Variants in ADGRD1 observed in about 807,000 individuals in gnomAD.
The protein encoded by ADGRD1 is G-protein coupled receptor 133.
ADGRD1 carries 77 observed loss-of-function variants against 113.4 expected under a neutral mutation model. The observed-to-expected ratio is 0.68, with a 90% CI of 0.57 to 0.82. ADGRD1 has a LOEUF of 0.82. Among genes scored for constraint, ADGRD1 ranks in the 40% least tolerant of loss-of-function variants. ADGRD1 has a pLI of 0.00. For missense variants in ADGRD1, 1,036 were observed against 1,139.1 expected (o/e 0.91, Z 1.30); for synonymous variants, 474 against 475.0 (o/e 1.00, Z 0.03).
chr12:131,009,758 C>T (rs73475004), intron 12 of ADGRD1, among the ~76,000 whole-genome samples: 2,346 of 151,990 alleles, frequency 0.015, 56 homozygotes, highest in African/African-American at 0.054. Context: ...TGCAAATGCG[C>T]GTGTGTGCAT....
chr12:131,083,422 CA>C (rs1566093255), intron 14 of ADGRD1, among the ~76,000 whole-genome samples: 1 of 151,896 alleles, frequency 6.6e-6, no homozygotes, highest in East Asian at 1.9e-4. Context: ...AGCAACATAG[CA>C]AGACTATATC....
intron 8 of ADGRD1, among the ~76,000 whole-genome samples, chr12:130,992,751 A>T (rs1874595239): frequency 6.6e-6 from 1 of 152,280 alleles, no homozygotes; most frequent in Admixed American, 6.5e-5. Context: ...CCTCACTGGC[A>T]GATCCAGCCG....
intron 3 of ADGRD1, chr12:130,968,537 G>A (rs183756458): frequency 3.0e-4 from 48 of 161,452 alleles, no homozygotes; most frequent in South Asian, 2.2e-3. Flanking sequence ...CGAACTCTCC[G>A]TCGTTTTGTC....
intron 20 of ADGRD1, chr12:131,121,900 A>C (rs943428543): frequency 6.6e-6 from 1 of 152,250 alleles, no homozygotes; most frequent in Non-Finnish European, 1.5e-5. Context: ...CCGTCCCAGA[A>C]CCAATCAGGG....
rs74530100 is a variant in ADGRD1, at chr12:131,138,444, C to T, written c.2529+215C>T. Among the ~76,000 whole-genome samples the T allele has an allele frequency of 4.8e-3, 733 of 152,332 alleles. 6 individuals are homozygous for T. Among genetic ancestry groups the T allele is most frequent in the African/African-American group, 0.017 (691 of 41,578 alleles). On this transcript the variant is annotated intron_variant, in intron 24 of 24. Transcript: ENST00000261654. ...AAGTCACCACAGCCCTACCCCTTGA[C>T]CCCGAAGAGTCAGGGCTTCTTGTGT...
At chr12:131,043,659 C>T (rs911125959) in intron 13 of ADGRD1, among the ~76,000 whole-genome samples, 8 of 152,226 alleles carry the variant, frequency 5.3e-5, no homozygotes, top group East Asian at 3.9e-4. Context: ...GCTCGGGTCC[C>T]GGGATGGAGG....
chr12:131,076,714 T>C, intron 13 of ADGRD1, 87 bp from the exon 14 acceptor site: 2 of 1,150,956 alleles, frequency 1.7e-6, no homozygotes, highest in South Asian at 2.4e-5. Flanking sequence ...GTCGCCCAGC[T>C]GTAAGGGTCT....
At chr12:131,127,812 A>G (rs11613609) in intron 20 of ADGRD1, among the ~76,000 whole-genome samples, 343 of 49,314 alleles carry the variant, frequency 7.0e-3, no homozygotes, top group East Asian at 0.012. Flanking sequence ...AGCTCAGGTG[A>G]GGTGTTGGTT....
At position 131,003,423 on chromosome 12, in the gene ADGRD1, C is replaced by T. The variant is rs1411038584; in HGVS notation, c.1144+121C>T. On this transcript the variant is annotated intron_variant, in intron 10 of 24. Transcript: ENST00000261654. The surrounding 1 kb of genome is among the most constrained non-coding windows in gnomAD (Gnocchi z 4.8). ...TGCTCTGTCTCCCTGACTGCTCTGCCTGGCACAAACCACATTTGGAAGGAA... is the reference window on the plus strand; with the variant it reads ...TGCTCTGTCTCCCTGACTGCTCTGCTTGGCACAAACCACATTTGGAAGGAA... 1 of 760,332 alleles carries T rather than the reference C, an allele frequency of 1.3e-6. No individual in the cohort carries two copies. Among genetic ancestry groups the T allele is most frequent in the Non-Finnish European group, 2.3e-6 (1 of 440,144 alleles). The allele number at this position is 760,332 out of a possible 1,614,324, so 47.1% of individuals were successfully genotyped here. A position where few individuals can be genotyped will look rare whatever the true frequency, so the allele number is the denominator to read the frequency against.
chr12:131,042,335 G>A (rs1013658372), intron 13 of ADGRD1, among the ~76,000 whole-genome samples: 2 of 152,256 alleles, frequency 1.3e-5, no homozygotes, highest in Middle Eastern at 3.4e-3. Flanking sequence ...CTCAGGTTCC[G>A]GAGCCTGCCC....
Position 131,006,016 on chromosome 12 carries a change from T to G in ADGRD1, c.1300T>G (p.Tyr434Asp). 6.2e-7 allele frequency: 1 copy of G among 1,612,658 alleles called. No homozygotes were observed. Among genetic ancestry groups the G allele is most frequent in the Non-Finnish European group, 8.5e-7 (1 of 1,179,968 alleles). The stretch of plus-strand genomic sequence containing the variant: ...TCTGCTGTACCACAGCATGCACTAC[T>G]ACCTGAACAACATCTGGCCCGCCCA... ...VGLLYHSMHY[Y>D]LNNIWPAHTK... Residue 434 changes from tyrosine (Y) to aspartate (D), a missense_variant, in exon 12 of 25, where the codon TAC becomes GAC. By Grantham distance (160) the Tyr-to-Asp change is radical (BLOSUM62 -3). Coordinates refer to ENST00000261654, the MANE Select transcript of ADGRD1 (RefSeq NM_198827.5).
At chr12:130,996,361 A>G (rs935896095) in intron 8 of ADGRD1, among the ~76,000 whole-genome samples, 7 of 130,058 alleles carry the variant, frequency 5.4e-5, no homozygotes, top group Admixed American at 3.7e-4. Context: ...GGCCGGGCAG[A>G]GGCGCCCCTC....
Position 131,011,806 on chromosome 12 carries a change from A to T in ADGRD1, c.1332-2393A>T, listed in dbSNP as rs534184840. Among the ~76,000 whole-genome samples the T allele has an allele frequency of 8.5e-5, 13 of 152,338 alleles. No individual in the cohort carries two copies. The East Asian group carries it at 2.3e-3, about 27-fold the overall frequency. Reference sequence around the variant, plus strand: ...TTGAGTTCATGGAGCTCTGCAGAAAAGGCCACGAGCATCGGGGCACTGGGC... The same window carrying T: ...TTGAGTTCATGGAGCTCTGCAGAAATGGCCACGAGCATCGGGGCACTGGGC... On this transcript the variant is annotated intron_variant, in intron 12 of 24. Transcript: ENST00000261654.
At chr12:131,124,437 A>G (rs1407533420) in intron 20 of ADGRD1, among the ~76,000 whole-genome samples, 1 of 152,206 alleles carries the variant, frequency 6.6e-6, no homozygotes, top group African/African-American at 2.4e-5. Flanking sequence ...ACACCCATGT[A>G]TTGCCTGCAT....
chr12:131,095,120 C>T (rs1041929993), intron 15 of ADGRD1, among the ~76,000 whole-genome samples: 12 of 152,192 alleles, frequency 7.9e-5, no homozygotes, highest in South Asian at 2.1e-4. Flanking sequence ...TCCCTTCAGT[C>T]CCCCCGACTC....
intron 13 of ADGRD1, among the ~76,000 whole-genome samples, chr12:131,046,171 T>TCCTGGTCAATGCTCCCTC (rs1566061522): frequency 8.8e-5 from 1 of 11,314 alleles, no homozygotes; most frequent in Non-Finnish European, 2.7e-4. Context: ...TCAGTGTCCT[T>TCCTGGTCAATGCTCCCTC]CCTGGTCAAT....
intron 14 of ADGRD1, among the ~76,000 whole-genome samples, chr12:131,080,009 C>G (rs2137185340): frequency 6.6e-6 from 1 of 152,100 alleles, no homozygotes. Flanking sequence ...CTTCCTTCAG[C>G]TTTCTTTGAG....
At chr12:131,031,389 G>A (rs1045023162) in intron 13 of ADGRD1, among the ~76,000 whole-genome samples, 3 of 152,174 alleles carry the variant, frequency 2.0e-5, no homozygotes, top group Non-Finnish European at 2.9e-5. Context: ...GGAGACTGTG[G>A]GGCATGACTG....
In ADGRD1 at chr12:131,136,837, C is replaced by T. The variant is rs191338289; in HGVS notation, c.2395-136C>T. ...GACCCAGGACGCCTCTCCGTCCTCA[C>T]GGGCCCCAGGTCATGGGACCTGGTG... On this transcript the variant is annotated intron_variant, in intron 22 of 24. Coordinates refer to ENST00000261654, the MANE Select transcript of ADGRD1 (RefSeq NM_198827.5). The T allele has an allele frequency of 3.5e-4, 266 of 765,674 alleles. 1 individual carries two copies. Among genetic ancestry groups the T allele is most frequent in the Non-Finnish European group, 5.1e-4 (217 of 425,778 alleles). The allele number at this position is 765,674 out of a possible 1,614,324, so 47.4% of individuals were successfully genotyped here. A position where few individuals can be genotyped will look rare whatever the true frequency, so the allele number is the denominator to read the frequency against.
Sources: allele counts gnomAD v4.1 joint callset (sites outside exome capture counted in the v4.1 genomes callset), GRCh38; gene constraint gnomAD v4.1.1; non-coding constraint Gnocchi (gnomAD v3.1); transcripts MANE v1.5; gene names NCBI Gene and HGNC (gene_info 2026-07-23, HGNC 2026-07-21).